The following PSPC1 variants were observed in gnomAD, a reference collection of about 807,000 sequenced individuals.
PSPC1 encodes the protein paraspeckle component 1, also known as paraspeckle protein 1.
In PSPC1, 14 loss-of-function variants were observed where a neutral mutation model predicts 51.6. That is an observed-to-expected ratio of 0.27 (90% CI 0.18 to 0.42). PSPC1 has a LOEUF of 0.42. Ranked by LOEUF, PSPC1 falls within the 10% of genes least tolerant of loss-of-function variation. PSPC1 has a pLI of 1.00. For synonymous variants in PSPC1, 193 were observed against 231.9 expected (o/e 0.83, Z 1.53); for missense variants, 406 against 701.1 (o/e 0.58, Z 4.75).
chr13:19,732,093 T>C (rs1396961570), intron 5 of PSPC1, among the ~76,000 whole-genome samples: 1 of 152,204 alleles, frequency 6.6e-6, no homozygotes, highest in African/African-American at 2.4e-5. Context: ...ATATGGTGAT[T>C]TCTTCTATTA....
At chr13:19,687,902 A>AT (rs1324745687) in intron 6 of PSPC1, among the ~76,000 whole-genome samples, 1 of 151,826 alleles carries the variant, frequency 6.6e-6, no homozygotes, top group African/African-American at 2.4e-5. Context: ...ACAGAATAAG[A>AT]TTTTAGATTT....
chr13:19,675,281 C>G (rs2290812), intron 7 of PSPC1: 2 of 152,074 alleles, frequency 1.3e-5, no homozygotes, highest in African/African-American at 4.8e-5. Context: ...TCTAATGGTT[C>G]CCAGGCACAG....
chr13:19,682,415 T>C (rs1165441957), intron 6 of PSPC1, among the ~76,000 whole-genome samples: 1 of 145,120 alleles, frequency 6.9e-6, no homozygotes, highest in African/African-American at 2.6e-5. Flanking sequence ...AGAAGCTAGT[T>C]AAATAGCAAT....
intron 5 of PSPC1, among the ~76,000 whole-genome samples, chr13:19,730,743 A>G (rs1050680784): frequency 6.6e-6 from 1 of 152,080 alleles, no homozygotes; most frequent in African/African-American, 2.4e-5. Context: ...ACATCACCTG[A>G]GGTCGGGAAT....
At position 19,759,305 on chromosome 13, in the gene PSPC1, C is replaced by T; in HGVS notation, c.770+18G>A. The T allele has an allele frequency of 6.3e-7, 1 of 1,575,714 alleles. No homozygotes were observed. ...CCTTAATAGTACAGACACAAATTAT[C>T]TATTAATAAAATCTTACTTATGATA... On this transcript the variant is annotated intron_variant, in intron 3 of 8. Coordinates refer to ENST00000338910, the MANE Select transcript of PSPC1 (RefSeq NM_001354909.2).
chr13:19,710,657 C>T (rs1881275338), intron 6 of PSPC1, among the ~76,000 whole-genome samples: 1 of 152,020 alleles, frequency 6.6e-6, no homozygotes, highest in East Asian at 1.9e-4. Context: ...ACGTAATTGC[C>T]ATTAAGCCAC....
intron 6 of PSPC1, among the ~76,000 whole-genome samples, chr13:19,729,150 G>A (rs73166983): frequency 0.032 from 4,846 of 152,032 alleles, 90 homozygotes; most frequent in Middle Eastern, 0.075. Context: ...TCAAGTATGC[G>A]ATACATACTT....
intron 6 of PSPC1, among the ~76,000 whole-genome samples, chr13:19,693,467 A>G (rs1273076937): frequency 1.3e-5 from 2 of 152,236 alleles, no homozygotes; most frequent in African/African-American, 4.8e-5. Context: ...TCATTCACCA[A>G]GCAAATATCT....
chr13:19,705,138 A>T (rs1880480385), intron 8 of PSPC1, among the ~76,000 whole-genome samples: 2 of 152,246 alleles, frequency 1.3e-5, no homozygotes, highest in South Asian at 4.1e-4. Flanking sequence ...TAACATATGC[A>T]TTTGCTATAT....
chr13:19,752,233 A>G (rs1483797580), intron 3 of PSPC1, among the ~76,000 whole-genome samples: 1 of 152,158 alleles, frequency 6.6e-6, no homozygotes, highest in African/African-American at 2.4e-5. Context: ...TTAATTATTT[A>G]TTACCTCTTT....
At position 19,748,994 on chromosome 13, in the gene PSPC1, G is replaced by A. The variant is rs545772779; in HGVS notation, c.967+2277C>T. On this transcript the variant is annotated intron_variant, in intron 4 of 8. Transcript: ENST00000338910. The stretch of plus-strand genomic sequence containing the variant: ...GGAGGCCAAGGTGGGTAGATCACTC[G>A]AGGCTAGGAGTTCAAGACCAGCTTG... Among the ~76,000 whole-genome samples, 6 of 151,864 alleles carry A rather than the reference G, an allele frequency of 4.0e-5. No individual in the cohort carries two copies. In the South Asian group the frequency reaches 8.3e-4, roughly 21 times the overall value.
intron 5 of PSPC1, among the ~76,000 whole-genome samples, chr13:19,735,666 C>T (rs1229765886): frequency 1.3e-5 from 2 of 152,120 alleles, no homozygotes; most frequent in Non-Finnish European, 2.9e-5. Flanking sequence ...GGCTTGTTAA[C>T]AAATAAAGCT....
chr13:19,713,267 C>T (rs1208154070), intron 6 of PSPC1, among the ~76,000 whole-genome samples: 1 of 152,120 alleles, frequency 6.6e-6, no homozygotes, highest in Non-Finnish European at 1.5e-5. Context: ...TTGTAACCAA[C>T]ATCTCAAAAG....
intron 3 of PSPC1, among the ~76,000 whole-genome samples, chr13:19,758,267 C>T (rs548281996): frequency 1.5e-4 from 22 of 151,394 alleles, no homozygotes; most frequent in Non-Finnish European, 2.8e-4. Context: ...GAGCCGAGAT[C>T]GTGCCACTGC....
chr13:19,778,362 T>TGTC lies in PSPC1; in HGVS notation c.372+4023_372+4024insGAC, dbSNP rs1889423788. On this transcript the variant is annotated intron_variant, in intron 1 of 8. Transcript: ENST00000338910. Reference sequence around the variant, plus strand: ...TTCTCTACATATTAAGACCTCTCCCTCTCCCCCTCCCCCTCCCCCTCCCCC... The same window carrying TGTC: ...TTCTCTACATATTAAGACCTCTCCCTGTCCTCCCCCTCCCCCTCCCCCTCCCCC... 1.2e-3 allele frequency among the ~76,000 whole-genome samples: 40 copies of TGTC among 34,182 alleles called. 1 individual carries two copies. In the South Asian group the frequency reaches 0.066, roughly 56 times the overall value. 22.4% of individuals were successfully genotyped at this position (34,182 alleles called of 152,430 possible). A position where few individuals can be genotyped will look rare whatever the true frequency, so the allele number is the denominator to read the frequency against.
At chr13:19,736,277 A>G (rs1189087209) in intron 5 of PSPC1, among the ~76,000 whole-genome samples, 1 of 152,198 alleles carries the variant, frequency 6.6e-6, no homozygotes, top group Non-Finnish European at 1.5e-5. Context: ...CATAAAGGTT[A>G]CCCGTCAAAT....
intron 5 of PSPC1, among the ~76,000 whole-genome samples, chr13:19,735,515 CTAAA>C (rs1884674994): frequency 6.6e-6 from 1 of 152,154 alleles, no homozygotes; most frequent in Non-Finnish European, 1.5e-5. Context: ...CTATGAAAAA[CTAAA>C]TAATTTATTT....
chr13:19,718,294 G>A (rs1213414445), intron 6 of PSPC1, among the ~76,000 whole-genome samples: 2 of 152,090 alleles, frequency 1.3e-5, no homozygotes, highest in Non-Finnish European at 2.9e-5. Flanking sequence ...CTCAATACAT[G>A]CATTCCTAAA....
chr13:19,676,624 G>A (rs1387223262), intron 7 of PSPC1, among the ~76,000 whole-genome samples: 1 of 152,188 alleles, frequency 6.6e-6, no homozygotes, highest in East Asian at 1.9e-4. Context: ...GCAGGACTCT[G>A]TGTCCTGTGT....
Sources: allele counts gnomAD v4.1 joint callset (sites outside exome capture counted in the v4.1 genomes callset), GRCh38; gene constraint gnomAD v4.1.1; transcripts MANE v1.5; gene names NCBI Gene and HGNC (gene_info 2026-07-23, HGNC 2026-07-21).